The following CSMD1 variants were observed in gnomAD, a reference collection of about 807,000 sequenced individuals.
CSMD1 encodes CUB and sushi domain-containing protein 1.
In CSMD1, 213 loss-of-function variants were observed where a neutral mutation model predicts 417.5. The observed-to-expected ratio is 0.51, with a 90% CI of 0.46 to 0.57. CSMD1 has a LOEUF of 0.57. Ranked by LOEUF, CSMD1 falls within the 20% of genes least tolerant of loss-of-function variation. The probability of loss-of-function intolerance (pLI) is 0.00; values close to 1 mark genes in which losing one functional copy is unlikely to be tolerated. For synonymous variants in CSMD1, 2,862 were observed against 1,736.8 expected (o/e 1.65, Z -16.11); for missense variants, 6,923 against 4,529.7 (o/e 1.53, Z -15.17).
rs1425180056 is a variant in CSMD1 at position 3,468,773 on chromosome 8, C to A, written c.1500G>T (p.Met500Ile). ...TATCATCCGACTGCAGATGTAGCCA[C>A]ATCTGGTTGCTCATGCTCACAATGA... Reference protein sequence around the residue: ...PDLIVSMSNQMWLHLQSDDSI... With the variant: ...PDLIVSMSNQIWLHLQSDDSI... The change falls in exon 12 of 70, where the codon ATG becomes ATT. Residue 500 changes from methionine to isoleucine, a missense_variant. Transcript: ENST00000635120. 1 of 1,606,734 alleles carries A rather than the reference C, an allele frequency of 6.2e-7. No individual in the cohort carries two copies. The highest frequency in any genetic ancestry group is 8.5e-7 in the Non-Finnish European group (1 of 1,176,706).
At chr8:4,263,329 C>T (rs570337777) in intron 3 of CSMD1, among the ~76,000 whole-genome samples, 2 of 152,176 alleles carry the variant, frequency 1.3e-5, no homozygotes, top group Admixed American at 6.5e-5. Flanking sequence ...GCCTCTGTGA[C>T]TTCTTTCCCC....
chr8:3,954,950 C>G (rs981978476), intron 5 of CSMD1, among the ~76,000 whole-genome samples: 2 of 152,216 alleles, frequency 1.3e-5, no homozygotes, highest in African/African-American at 4.8e-5. Flanking sequence ...AAAGTTGTTT[C>G]TCCCTGGGGT....
At chr8:3,713,727 G>A (rs1343989082) in intron 6 of CSMD1, among the ~76,000 whole-genome samples, 5 of 152,132 alleles carry the variant, frequency 3.3e-5, no homozygotes, top group African/African-American at 7.2e-5. Context: ...CAAATGTAAC[G>A]TACTCAATAT....
intron 6 of CSMD1, among the ~76,000 whole-genome samples, chr8:3,711,459 C>T (rs1461258221): frequency 6.6e-6 from 1 of 152,162 alleles, no homozygotes; most frequent in East Asian, 1.9e-4. Flanking sequence ...CCAGGTCCAA[C>T]CCCAACCAAA....
chr8:4,525,189 C>G (rs899044114), intron 2 of CSMD1, among the ~76,000 whole-genome samples: 1 of 152,158 alleles, frequency 6.6e-6, no homozygotes, highest in South Asian at 2.1e-4. Flanking sequence ...CTCTATGCCA[C>G]AACCCCCACC....
At position 3,870,529 on chromosome 8, in the gene CSMD1, G is replaced by A. The variant is rs574581149; in HGVS notation, c.819-116487C>T. On this transcript the variant is annotated intron_variant, in intron 5 of 69. Transcript: ENST00000635120. ...AAAAATTTACCGTTTGAGAGCTATG[G>A]TCAAATTACCCTCCAGAAATGTCCA... Among the ~76,000 whole-genome samples the A allele has an allele frequency of 2.6e-5, 4 of 152,186 alleles. No individual in the cohort carries two copies. In the Middle Eastern group the frequency reaches 0.01, roughly 388 times the overall value.
chr8:4,691,787 T>G (rs1170360426), intron 1 of CSMD1, among the ~76,000 whole-genome samples: 1 of 152,216 alleles, frequency 6.6e-6, no homozygotes, highest in Non-Finnish European at 1.5e-5. Context: ...ATTTTAACCT[T>G]TAAATCATTG....
intron 6 of CSMD1, among the ~76,000 whole-genome samples, chr8:3,723,635 T>C (rs67985821): frequency 0.71 from 107,288 of 152,066 alleles, 38,810 homozygotes; most frequent in South Asian, 0.85. Context: ...TTTAGACAAG[T>C]AGTGTCTGTC....
intron 26 of CSMD1, among the ~76,000 whole-genome samples, chr8:3,276,966 C>G (rs752667555): frequency 6.6e-6 from 1 of 152,056 alleles, no homozygotes; most frequent in African/African-American, 2.4e-5. Context: ...GAAGTATAAA[C>G]ATTGTGTTTG....
At chr8:3,723,254 G>A (rs987716241) in intron 6 of CSMD1, among the ~76,000 whole-genome samples, 7 of 152,036 alleles carry the variant, frequency 4.6e-5, no homozygotes, top group Admixed American at 4.6e-4. Flanking sequence ...CAATGCAACG[G>A]GGACTGTCCC....
At chr8:3,524,946 C>T (rs1243114816) in intron 10 of CSMD1, among the ~76,000 whole-genome samples, 3 of 152,046 alleles carry the variant, frequency 2.0e-5, no homozygotes, top group African/African-American at 7.3e-5. Flanking sequence ...AAAAATGTTT[C>T]TAAAAAGCAC....
At chr8:3,662,450 T>G (rs1276778026) in intron 7 of CSMD1, among the ~76,000 whole-genome samples, 3 of 152,214 alleles carry the variant, frequency 2.0e-5, no homozygotes, top group Non-Finnish European at 4.4e-5. Context: ...TGATGGGCAT[T>G]TGGGTTGGTT....
At chr8:4,469,444 G>T (rs1403643265) in intron 2 of CSMD1, among the ~76,000 whole-genome samples, 1 of 152,200 alleles carries the variant, frequency 6.6e-6, no homozygotes. Flanking sequence ...ACTGCAAATT[G>T]TGTTATTGGC....
chr8:4,015,828 C>T lies in CSMD1; in HGVS notation c.610+16077G>A, dbSNP rs550219823. Among the ~76,000 whole-genome samples the T allele has an allele frequency of 1.2e-3, 182 of 152,250 alleles. 3 individuals carry two copies. In the South Asian group the frequency reaches 0.014, roughly 11 times the overall value. ...GAAACTTCATTCACTAAGCAAGCGGCGTAACTTCCCAATAATGGTTCGTAT... is the reference window on the plus strand; with the variant it reads ...GAAACTTCATTCACTAAGCAAGCGGTGTAACTTCCCAATAATGGTTCGTAT... On this transcript the variant is annotated intron_variant, in intron 4 of 69. Transcript: ENST00000635120.
Position 3,054,641 on chromosome 8 carries a change from G to A in CSMD1, c.7475-1994C>T, listed in dbSNP as rs987376195. Among the ~76,000 whole-genome samples, 54 of 150,694 alleles carry A rather than the reference G, an allele frequency of 3.6e-4. 1 individual carries two copies. The highest frequency in any genetic ancestry group is 1.2e-3 in the African/African-American group (50 of 41,296). ...TCAAAAACAAACAAAAAACACATGC[G>A]TGTGTGTGTGTGCACATGCATATTT... On this transcript the variant is annotated intron_variant, in intron 49 of 69. Coordinates refer to ENST00000635120, the MANE Select transcript of CSMD1 (RefSeq NM_033225.6).
chr8:3,524,406 CAT>C (rs1797665339), intron 10 of CSMD1, among the ~76,000 whole-genome samples: 2 of 151,116 alleles, frequency 1.3e-5, no homozygotes, highest in African/African-American at 4.9e-5. Context: ...CACACCCAGA[CAT>C]ATGCACACAC....
intron 3 of CSMD1, among the ~76,000 whole-genome samples, chr8:4,365,608 C>T (rs78147972): frequency 3.1e-4 from 47 of 152,138 alleles, no homozygotes; most frequent in Non-Finnish European, 5.3e-4. Flanking sequence ...TGTCTTTGTA[C>T]TTGATTTGTT....
chr8:3,025,208 A>T (rs1490070560), intron 51 of CSMD1, among the ~76,000 whole-genome samples: 1 of 147,820 alleles, frequency 6.8e-6, no homozygotes, highest in Non-Finnish European at 1.5e-5. Flanking sequence ...GTTATTCTGA[A>T]ACTGTGTATT....
chr8:3,696,999 A>C (rs1276894456), intron 7 of CSMD1, among the ~76,000 whole-genome samples: 1 of 152,168 alleles, frequency 6.6e-6, no homozygotes, highest in Non-Finnish European at 1.5e-5. Flanking sequence ...AGGATCCAGT[A>C]GGTCATGGGT....
Sources: allele counts gnomAD v4.1 joint callset (sites outside exome capture counted in the v4.1 genomes callset), GRCh38; gene constraint gnomAD v4.1.1; transcripts MANE v1.5; gene names NCBI Gene and HGNC (gene_info 2026-07-23, HGNC 2026-07-21).